The following ERC1 variants were observed in gnomAD, a reference collection of about 807,000 sequenced individuals.
ERC1 encodes the protein RAB6 interacting protein 2.
Under a neutral mutation model 132.0 loss-of-function variants are expected in ERC1, and 56 were observed. That is an observed-to-expected ratio of 0.42 (90% CI 0.34 to 0.53). ERC1 has a LOEUF of 0.53. ERC1 is among the 20% of genes least tolerant of loss of function. The pLI, the probability that ERC1 is intolerant of heterozygous loss-of-function variation, is 0.03. For synonymous variants in ERC1, 478 were observed against 476.1 expected, an observed-to-expected ratio of 1.00 and a Z score of -0.05; for missense variants, 1,202 against 1,349.9, an observed-to-expected ratio of 0.89 and a Z score of 1.72.
At chr12:1,292,790 C>T (rs1287027532) in intron 15 of ERC1, among the ~76,000 whole-genome samples, 1 of 152,164 alleles carries the variant, frequency 6.6e-6, no homozygotes, top group Non-Finnish European at 1.5e-5. Context: ...GCGGGTGGAT[C>T]ACCTGAGGTC....
chr12:1,043,349 G>A lies in ERC1; in HGVS notation c.669+14777G>A, dbSNP rs1970584246. On this transcript the variant is annotated intron_variant, in intron 2 of 18. Transcript: ENST00000360905. Reference sequence around the variant, plus strand: ...TGAGCCACTGCGCCCGGCCTGTACAGAGTATTTTCAAGAGATGAAGCAGGT... The same window carrying A: ...TGAGCCACTGCGCCCGGCCTGTACAAAGTATTTTCAAGAGATGAAGCAGGT... Among the ~76,000 whole-genome samples, 4 of 152,150 alleles carry A rather than the reference G, an allele frequency of 2.6e-5. No individual in the cohort carries two copies. The South Asian group carries it at 6.2e-4, about 24-fold the overall frequency.
chr12:1,488,883 C>G (rs1034414120), intron 18 of ERC1, among the ~76,000 whole-genome samples: 3 of 152,188 alleles, frequency 2.0e-5, no homozygotes, highest in Non-Finnish European at 2.9e-5. Flanking sequence ...ACGTCCCTGG[C>G]CCTCCCTTGC....
At chr12:1,393,568 T>C (rs2090162896) in intron 16 of ERC1, among the ~76,000 whole-genome samples, 1 of 151,054 alleles carries the variant, frequency 6.6e-6, no homozygotes, top group South Asian at 2.1e-4. Flanking sequence ...ATTCTTGTGA[T>C]CTAAAGTTCT....
chr12:1,271,436 G>A (rs571819757), intron 14 of ERC1, among the ~76,000 whole-genome samples: 1 of 152,278 alleles, frequency 6.6e-6, no homozygotes, highest in African/African-American at 2.4e-5. Context: ...GAGAATAGTG[G>A]TATAATTTTT....
intron 17 of ERC1, among the ~76,000 whole-genome samples, chr12:1,428,644 T>C (rs766787590): frequency 6.6e-6 from 1 of 152,212 alleles, no homozygotes; most frequent in African/African-American, 2.4e-5. Flanking sequence ...GAGGATATGG[T>C]TCAACTCACA....
In ERC1 at chr12:1,241,778, C is replaced by T. The variant is rs141235214; in HGVS notation, c.2487+4874C>T. ...CCTAATCATATGCTACATAATCACA[C>T]AGAAGTTTCCATTTCATTCTAGATT... is the stretch of plus-strand genomic sequence containing the variant. On this transcript the variant is annotated intron_variant, in intron 13 of 18. Transcript: ENST00000360905. 1.6e-3 allele frequency among the ~76,000 whole-genome samples: 244 copies of T among 151,422 alleles called. 1 individual carries two copies. The highest frequency in any genetic ancestry group is 6.8e-3 in the Middle Eastern group (2 of 292).
At chr12:1,247,853 G>A (rs1399501860) in intron 13 of ERC1, among the ~76,000 whole-genome samples, 1 of 152,080 alleles carries the variant, frequency 6.6e-6, no homozygotes, top group Non-Finnish European at 1.5e-5. Flanking sequence ...AAAAGTAGCC[G>A]GGTGTGGTGG....
chr12:1,248,077 T>C (rs1402484465), intron 13 of ERC1, among the ~76,000 whole-genome samples: 2 of 152,238 alleles, frequency 1.3e-5, no homozygotes, highest in Non-Finnish European at 2.9e-5. Context: ...GCCATGATGA[T>C]GTAATATGGC....
intron 16 of ERC1, among the ~76,000 whole-genome samples, chr12:1,402,950 T>A (rs192910741): frequency 5.5e-4 from 84 of 152,346 alleles, no homozygotes; most frequent in African/African-American, 1.9e-3. Context: ...CAAATCTAAT[T>A]AGAATTTAAA....
At chr12:1,308,011 C>T (rs1594903144) in intron 15 of ERC1, among the ~76,000 whole-genome samples, 1 of 152,100 alleles carries the variant, frequency 6.6e-6, no homozygotes, top group East Asian at 1.9e-4. Flanking sequence ...AGGAGATAAA[C>T]CTCAAAGGTC....
chr12:1,325,098 T>C (rs1013099907), intron 15 of ERC1, among the ~76,000 whole-genome samples: 3 of 152,238 alleles, frequency 2.0e-5, no homozygotes, highest in African/African-American at 7.2e-5. Flanking sequence ...GCGTTCCTTA[T>C]GTAAAGACTT....
rs548588957 is a variant in ERC1 at position 1,484,174 on chromosome 12, G to A, written c.3214-5919G>A. ...CAAAAAATTAGCCGAGCGTGGTAGC[G>A]GGCACCTGTAGTCCCAGCTACTCGG... On this transcript the variant is annotated intron_variant, in intron 18 of 18. Transcript: ENST00000360905. Among the ~76,000 whole-genome samples, 311 of 151,942 alleles carry A rather than the reference G, an allele frequency of 2.0e-3. 2 individuals carry two copies. Among genetic ancestry groups the A allele is most frequent in the Middle Eastern group, 0.017 (5 of 294 alleles).
At chr12:1,235,739 G>C (rs1248901704) in intron 12 of ERC1, among the ~76,000 whole-genome samples, 3 of 152,136 alleles carry the variant, frequency 2.0e-5, no homozygotes, top group Non-Finnish European at 4.4e-5. Flanking sequence ...GCTAGCAAGA[G>C]TATAAATTAA....
intron 17 of ERC1, among the ~76,000 whole-genome samples, chr12:1,440,825 T>G (rs924303445): frequency 6.6e-6 from 1 of 151,832 alleles, no homozygotes; most frequent in Non-Finnish European, 1.5e-5. Context: ...TTCATATTTT[T>G]AGTAGAGACA....
chr12:1,410,602 G>GT (rs1022669726), intron 17 of ERC1: 2 of 251,380 alleles, frequency 8.0e-6, no homozygotes, highest in African/African-American at 4.8e-5. Flanking sequence ...ATTCTTGTGT[G>GT]TGTTGCTGTG....
chr12:1,405,789 G>C (rs960034974), intron 16 of ERC1, among the ~76,000 whole-genome samples: 1 of 152,128 alleles, frequency 6.6e-6, no homozygotes, highest in Admixed American at 6.6e-5. Flanking sequence ...CGTGGCTCAC[G>C]CCTGTAATCC....
At chr12:1,423,526 C>A (rs2092506493) in intron 17 of ERC1, among the ~76,000 whole-genome samples, 1 of 152,094 alleles carries the variant, frequency 6.6e-6, no homozygotes, top group Admixed American at 6.6e-5. Context: ...ATAACTTGTG[C>A]TCTTAAAGGA....
chr12:1,351,674 ATAT>A (rs1407372155), intron 15 of ERC1, among the ~76,000 whole-genome samples: 1 of 152,022 alleles, frequency 6.6e-6, no homozygotes, highest in Non-Finnish European at 1.5e-5. Flanking sequence ...GTTTTTTATA[ATAT>A]TTTCAATTTT....
intron 8 of ERC1, among the ~76,000 whole-genome samples, chr12:1,164,319 TTTG>T (rs1322702685): frequency 1.2e-4 from 17 of 142,270 alleles, no homozygotes; most frequent in African/African-American, 2.4e-4. Context: ...GTTATTTTAT[TTTG>T]TTATTTTATT....
Sources: gnomAD v4.1 joint callset for allele counts (sites outside exome capture counted in the v4.1 genomes callset) on GRCh38, gnomAD v4.1.1 for gene constraint, MANE v1.5 for transcripts, NCBI Gene and HGNC (gene_info 2026-07-23, HGNC 2026-07-21) for gene names.